Variants in MEI4 observed in about 807,000 individuals in gnomAD.
The protein encoded by MEI4 is meiotic double-stranded break formation protein 4, also known as meiosis-specific protein MEI4.
In MEI4, 27 loss-of-function variants were observed where a neutral mutation model predicts 31.4. That is an observed-to-expected ratio of 0.86 (90% confidence interval 0.63 to 1.19). The LOEUF is 1.19. Among genes scored for constraint, MEI4 ranks in the 50% most tolerant of loss-of-function variants. The pLI, the probability that MEI4 is intolerant of heterozygous loss-of-function variation, is 0.00. For missense variants in MEI4, 329 were observed against 398.9 expected, an observed-to-expected ratio of 0.82 and a Z score of 1.49; for synonymous variants, 122 against 145.4, an observed-to-expected ratio of 0.84 and a Z score of 1.16.
intron 2 of MEI4, among the ~76,000 whole-genome samples, chr6:77,697,382 C>T (rs533635550): frequency 6.6e-5 from 10 of 152,030 alleles, no homozygotes; most frequent in Non-Finnish European, 1.3e-4. Context: ...TGGATCTTTC[C>T]TGCTTTCTCT....
In MEI4 at chr6:77,761,213, T is replaced by C. The variant is rs1561978645; in HGVS notation, c.316T>C (p.Leu106=). Residue 106 remains leucine, a synonymous_variant, in exon 3 of 5, where the codon TTG becomes CTG. Coordinates refer to ENST00000684080, the MANE Select transcript of MEI4 (RefSeq NM_001322247.2). ...TTCGATGGAAGATTCTGGATGTGAT[T>C]TGTCGAATGAGCAGAGAACTGAATC... ...LTSMEDSGCD[L]SNEQRTESSD... 1 of 1,232,376 alleles carries C rather than the reference T, an allele frequency of 8.1e-7. No homozygotes were observed. Among genetic ancestry groups the C allele is most frequent in the Non-Finnish European group, 1.0e-6 (1 of 987,996 alleles). The allele number at this position is 1,232,376 out of a possible 1,614,324, so 76.3% of individuals were successfully genotyped here. A position where few individuals can be genotyped will look rare whatever the true frequency, so the allele number is the denominator to read the frequency against.
intron 4 of MEI4, among the ~76,000 whole-genome samples, chr6:77,914,828 C>T (rs773644720): frequency 2.0e-5 from 3 of 152,012 alleles, no homozygotes; most frequent in Non-Finnish European, 4.4e-5. Flanking sequence ...TATAGATTGA[C>T]TTCACTTTTT....
At chr6:77,710,289 C>T (rs1298886735) in intron 2 of MEI4, among the ~76,000 whole-genome samples, 2 of 151,740 alleles carry the variant, frequency 1.3e-5, no homozygotes, top group South Asian at 2.1e-4. Flanking sequence ...TTTGGGAGGC[C>T]GAGGCAGGCA....
chr6:77,895,660 C>A (rs768550283), intron 4 of MEI4, among the ~76,000 whole-genome samples: 1 of 152,056 alleles, frequency 6.6e-6, no homozygotes, highest in Non-Finnish European at 1.5e-5. Flanking sequence ...TAGATATATA[C>A]CAGGGACTCT....
intron 4 of MEI4, among the ~76,000 whole-genome samples, chr6:77,866,092 A>C (rs1399520620): frequency 1.3e-5 from 2 of 151,884 alleles, no homozygotes; most frequent in South Asian, 4.1e-4. Flanking sequence ...AAATAATAAG[A>C]GCTATCTATG....
intron 3 of MEI4, among the ~76,000 whole-genome samples, chr6:77,785,872 C>G (rs926093600): frequency 6.6e-6 from 1 of 152,064 alleles, no homozygotes; most frequent in Non-Finnish European, 1.5e-5. Flanking sequence ...ACCAGAGTCC[C>G]TAATCCTCAC....
chr6:77,737,811 ACT>A (rs2127671495), intron 2 of MEI4, among the ~76,000 whole-genome samples: 1 of 152,142 alleles, frequency 6.6e-6, no homozygotes, highest in African/African-American at 2.4e-5. Context: ...GTCAAGGTTG[ACT>A]CTCAGGTTTC....
At chr6:77,744,692 G>C (rs1767531623) in intron 2 of MEI4, among the ~76,000 whole-genome samples, 1 of 152,172 alleles carries the variant, frequency 6.6e-6, no homozygotes, top group African/African-American at 2.4e-5. Context: ...TTGAAATGAA[G>C]GAAAAATTGT....
At chr6:77,734,301 C>G (rs987688789) in intron 2 of MEI4, among the ~76,000 whole-genome samples, 6 of 152,040 alleles carry the variant, frequency 3.9e-5, no homozygotes, top group East Asian at 1.9e-4. Flanking sequence ...CTTTATGAAT[C>G]TGGGTGCTCC....
At chr6:77,754,920 A>G (rs906675446) in intron 2 of MEI4, among the ~76,000 whole-genome samples, 9 of 152,206 alleles carry the variant, frequency 5.9e-5, no homozygotes, top group African/African-American at 2.2e-4. Context: ...CTCTCCCTTG[A>G]CATGTGGGTA....
intron 4 of MEI4, among the ~76,000 whole-genome samples, chr6:77,848,394 G>A (rs1306086309): frequency 6.6e-6 from 1 of 152,140 alleles, no homozygotes; most frequent in East Asian, 1.9e-4. Context: ...ATGGCAGCAT[G>A]GGAAGCAGAA....
intron 2 of MEI4, among the ~76,000 whole-genome samples, chr6:77,697,974 G>A (rs189721045): frequency 3.3e-5 from 5 of 152,246 alleles, no homozygotes; most frequent in Non-Finnish European, 7.4e-5. Context: ...TATATATTTA[G>A]GATAGTTAGC....
chr6:77,695,345 A>G (rs1765998463), intron 2 of MEI4, among the ~76,000 whole-genome samples: 2 of 148,786 alleles, frequency 1.3e-5, no homozygotes, highest in South Asian at 2.1e-4. Flanking sequence ...GCCCATGCCT[A>G]TGTCCTGAAT....
chr6:77,858,754 C>T (rs190092245), intron 4 of MEI4, among the ~76,000 whole-genome samples: 12 of 151,830 alleles, frequency 7.9e-5, no homozygotes, highest in Non-Finnish European at 1.5e-4. Context: ...TGTATATTTC[C>T]ATCACAAATT....
At chr6:77,665,935 G>T (rs981534087) in intron 1 of MEI4, among the ~76,000 whole-genome samples, 3 of 152,168 alleles carry the variant, frequency 2.0e-5, no homozygotes, top group African/African-American at 7.2e-5. Flanking sequence ...ATGGAGCAAA[G>T]AACAGGAGGA....
intron 4 of MEI4, among the ~76,000 whole-genome samples, chr6:77,841,337 T>A (rs868298270): frequency 0.082 from 3,404 of 41,382 alleles, 46 homozygotes; most frequent in Non-Finnish European, 0.1. Flanking sequence ...ATATATATTT[T>A]TTTTTTTTTT....
At chr6:77,690,045 T>C (rs942449433) in intron 1 of MEI4, among the ~76,000 whole-genome samples, 1 of 151,972 alleles carries the variant, frequency 6.6e-6, no homozygotes, top group Non-Finnish European at 1.5e-5. Flanking sequence ...CGATTGGAAA[T>C]CTTTGGAAGT....
intron 2 of MEI4, among the ~76,000 whole-genome samples, chr6:77,733,100 T>A (rs954362613): frequency 1.3e-5 from 2 of 151,892 alleles, no homozygotes; most frequent in African/African-American, 2.4e-5. Context: ...TTTTTGGTTG[T>A]GTCTCTGCCA....
At chr6:77,852,578 GTTGT>G (rs1055529405) in intron 4 of MEI4, among the ~76,000 whole-genome samples, 5 of 81,730 alleles carry the variant, frequency 6.1e-5, no homozygotes, top group Non-Finnish European at 8.9e-5. Context: ...GTTTTTTGTT[GTTGT>G]TTGTTTTTTT....
Sources: allele counts gnomAD v4.1 joint callset (sites outside exome capture counted in the v4.1 genomes callset), GRCh38; gene constraint gnomAD v4.1.1; transcripts MANE v1.5; gene names NCBI Gene and HGNC (gene_info 2026-07-23, HGNC 2026-07-21).